SLC41A2: variants seen among roughly 807,000 people sequenced by gnomAD.
SLC41A2 encodes the protein solute carrier family 41 member 2, also known as SLC41A1-like 1.
In SLC41A2, 32 loss-of-function variants were observed where a neutral mutation model predicts 58.3. That is an observed-to-expected ratio of 0.55 (90% CI 0.41 to 0.74). The LOEUF (loss-of-function observed/expected upper bound fraction) is 0.74, where lower values mean the gene tolerates loss of function less well. Among genes scored for constraint, SLC41A2 ranks in the 30% least tolerant of loss-of-function variants. The pLI, the probability that SLC41A2 is intolerant of heterozygous loss-of-function variation, is 0.00. For synonymous variants in SLC41A2, 190 were observed against 235.0 expected, an observed-to-expected ratio of 0.81 and a Z score of 1.75; for missense variants, 514 against 680.6, an observed-to-expected ratio of 0.76 and a Z score of 2.72.
intron 8 of SLC41A2, among the ~76,000 whole-genome samples, chr12:104,855,219 A>G (rs2042976711): frequency 6.6e-6 from 1 of 152,230 alleles, no homozygotes; most frequent in Admixed American, 6.5e-5. Flanking sequence ...TATTTAATAA[A>G]TGCAAAAATA....
chr12:104,813,467 C>A (rs2041261118), intron 10 of SLC41A2, among the ~76,000 whole-genome samples: 1 of 152,036 alleles, frequency 6.6e-6, no homozygotes, highest in South Asian at 2.1e-4. Context: ...TAGATAATTT[C>A]TCAAGTTAAT....
chr12:104,803,408 CAGA>C lies in SLC41A2; in HGVS notation c.*1741_*1743del, dbSNP rs898480228. ...CTGCCTTAAAAGTTTTATTATAAGG[CAGA>C]AGAATGGAATAATTGAAGTTTAAAA... On this transcript the variant is annotated 3_prime_UTR_variant, in exon 11 of 11. Transcript: ENST00000258538. 3 of 151,912 alleles carry C rather than the reference CAGA, an allele frequency of 2.0e-5. No homozygotes were observed. Among genetic ancestry groups the C allele is most frequent in the African/African-American group, 7.3e-5 (3 of 41,378 alleles). The allele number at this position is 151,912 out of a possible 1,614,324, so 9.4% of individuals were successfully genotyped here. A position where few individuals can be genotyped will look rare whatever the true frequency, so the allele number is the denominator to read the frequency against.
At chr12:104,835,621 C>T (rs867359229) in intron 10 of SLC41A2, among the ~76,000 whole-genome samples, 1 of 152,146 alleles carries the variant, frequency 6.6e-6, no homozygotes, top group African/African-American at 2.4e-5. Flanking sequence ...GCAGTTTGTC[C>T]TTCTCTCAGA....
intron 2 of SLC41A2, among the ~76,000 whole-genome samples, chr12:104,918,628 GAAAAAAA>G (rs34865307): frequency 1.8e-5 from 2 of 111,506 alleles, no homozygotes; most frequent in South Asian, 6.4e-4. Flanking sequence ...GGAGATACAT[GAAAAAAA>G]AAAAAAAAAA....
At chr12:104,923,472 TTAAA>T (rs2046698888) in intron 2 of SLC41A2, among the ~76,000 whole-genome samples, 1 of 146,120 alleles carries the variant, frequency 6.8e-6, no homozygotes, top group African/African-American at 2.5e-5. Flanking sequence ...AGAAAAGAAA[TTAAA>T]TAAAGATCAG....
intron 1 of SLC41A2, among the ~76,000 whole-genome samples, chr12:104,955,332 T>C (rs1319778536): frequency 6.6e-6 from 1 of 150,438 alleles, no homozygotes; most frequent in East Asian, 1.9e-4. Context: ...CGCTTTCTGA[T>C]TACCCTCGCT....
At chr12:104,893,369 G>T (rs989477798) in intron 4 of SLC41A2, among the ~76,000 whole-genome samples, 1 of 152,182 alleles carries the variant, frequency 6.6e-6, no homozygotes, top group Non-Finnish European at 1.5e-5. Context: ...TGCTGGTGAG[G>T]ATGTGGAGAA....
In SLC41A2 at chr12:104,866,380, GTACA is replaced by G. The variant is rs59771932; in HGVS notation, c.1175+48_1175+51del. 0.034 allele frequency: 46,736 copies of G among 1,379,602 alleles called. 334 individuals carry two copies. Among genetic ancestry groups the G allele is most frequent in the East Asian group, 0.087 (3,502 of 40,350 alleles). 85.5% of individuals were successfully genotyped at this position (1,379,602 alleles called of 1,614,324 possible). The stretch of plus-strand genomic sequence containing the variant: ...AGAAGACACACAAAGACAGACAGAC[GTACA>G]CACACACACACACACACACACACAC... On this transcript the variant is annotated intron_variant, in intron 7 of 10. Transcript: ENST00000258538.
At chr12:104,907,308 A>G (rs898670021) in intron 3 of SLC41A2, among the ~76,000 whole-genome samples, 1 of 148,786 alleles carries the variant, frequency 6.7e-6, no homozygotes, top group African/African-American at 2.5e-5. Flanking sequence ...AGGAGCTCCT[A>G]TTATTTTTTC....
At chr12:104,805,590 C>T (rs1289013399) in intron 10 of SLC41A2, among the ~76,000 whole-genome samples, 2 of 152,130 alleles carry the variant, frequency 1.3e-5, no homozygotes, top group Non-Finnish European at 2.9e-5. Flanking sequence ...TCCCAATAGC[C>T]ATAATAATTT....
At position 104,914,575 on chromosome 12, in the gene SLC41A2, TTG is replaced by T. The variant is rs903950363; in HGVS notation, c.556-4815_556-4814del. ...TCTACAGTGCATCCAGGAGACATCA[TTG>T]TGTTTCCCTCAAAAACTTAAAATAT... On this transcript the variant is annotated intron_variant, in intron 2 of 10. Transcript: ENST00000258538. Among the ~76,000 whole-genome samples the T allele has an allele frequency of 1.8e-4, 27 of 152,336 alleles. 1 individual carries two copies. The highest frequency in any genetic ancestry group is 2.9e-4 in the Non-Finnish European group (20 of 68,024).
intron 3 of SLC41A2, among the ~76,000 whole-genome samples, chr12:104,908,651 G>A (rs1473497646): frequency 6.6e-6 from 1 of 152,156 alleles, no homozygotes; most frequent in Non-Finnish European, 1.5e-5. Flanking sequence ...CACTAGCTAC[G>A]TGGTTTTAAC....
At chr12:104,887,606 A>T (rs1056908314) in intron 5 of SLC41A2, among the ~76,000 whole-genome samples, 1 of 152,040 alleles carries the variant, frequency 6.6e-6, no homozygotes, top group African/African-American at 2.4e-5. Context: ...ATCAGGCAAG[A>T]TGTAATCGCT....
At chr12:104,884,805 G>A (rs959436808) in intron 6 of SLC41A2, among the ~76,000 whole-genome samples, 2 of 152,180 alleles carry the variant, frequency 1.3e-5, no homozygotes, top group African/African-American at 4.8e-5. Context: ...CTTATTCTAT[G>A]GGGTCAGGAC....
At chr12:104,899,514 C>T (rs1224317190) in intron 3 of SLC41A2, among the ~76,000 whole-genome samples, 2 of 152,066 alleles carry the variant, frequency 1.3e-5, no homozygotes, top group African/African-American at 4.8e-5. Flanking sequence ...GAGTGAAGCA[C>T]CTCATCTCTC....
At chr12:104,918,186 C>T (rs1195339177) in intron 2 of SLC41A2, among the ~76,000 whole-genome samples, 1 of 151,818 alleles carries the variant, frequency 6.6e-6, no homozygotes, top group Non-Finnish European at 1.5e-5. Context: ...CACTCTTTTG[C>T]ACTGCTTGTG....
chr12:104,853,911 ATTTTT>A lies in SLC41A2; in HGVS notation c.1255+7375_1255+7379del, dbSNP rs1555202443. On this transcript the variant is annotated intron_variant, in intron 8 of 10. Coordinates refer to ENST00000258538, the MANE Select transcript of SLC41A2 (RefSeq NM_001352171.3). ...GGGTGCATGTCACCATGCCTGGCTG[ATTTTT>A]TTTTTTTTTTTTTTTTTTTTTTTAG... 1.1e-3 allele frequency among the ~76,000 whole-genome samples: 66 copies of A among 59,488 alleles called. 1 individual carries two copies. Among genetic ancestry groups the A allele is most frequent in the African/African-American group, 3.4e-3 (49 of 14,470 alleles). The allele number at this position is 59,488 out of a possible 152,430, so 39.0% of individuals were successfully genotyped here. A position where few individuals can be genotyped will look rare whatever the true frequency, so the allele number is the denominator to read the frequency against.
At chr12:104,842,791 T>C (rs1348970374) in intron 10 of SLC41A2, among the ~76,000 whole-genome samples, 1 of 152,090 alleles carries the variant, frequency 6.6e-6, no homozygotes, top group Non-Finnish European at 1.5e-5. Context: ...AAAAATTACT[T>C]ATATCCTTCA....
intron 7 of SLC41A2, among the ~76,000 whole-genome samples, chr12:104,866,195 G>A (rs2043434662): frequency 6.6e-6 from 1 of 152,094 alleles, no homozygotes; most frequent in Non-Finnish European, 1.5e-5. Context: ...GTAGCCACAT[G>A]AGGTTCTTTA....
Sources: gnomAD v4.1 joint callset for allele counts (sites outside exome capture counted in the v4.1 genomes callset) on GRCh38, gnomAD v4.1.1 for gene constraint, MANE v1.5 for transcripts, NCBI Gene and HGNC (gene_info 2026-07-23, HGNC 2026-07-21) for gene names.